The following RBFOX1 variants were observed in gnomAD, a reference collection of about 807,000 sequenced individuals.
RBFOX1 encodes RNA binding protein fox-1 homolog 1.
In RBFOX1, 8 loss-of-function variants were observed where a neutral mutation model predicts 57.7. That is an observed-to-expected ratio of 0.14 (90% CI 0.08 to 0.25). RBFOX1 has a LOEUF of 0.25. Among genes scored for constraint, RBFOX1 ranks in the 10% least tolerant of loss-of-function variants. The probability of loss-of-function intolerance (pLI) is 1.00; values close to 1 mark genes in which losing one functional copy is unlikely to be tolerated. For synonymous variants in RBFOX1, 326 were observed against 222.4 expected (o/e 1.47, Z -4.15); for missense variants, 611 against 548.5 (o/e 1.11, Z -1.14).
At position 6,875,148 on chromosome 16, in the gene RBFOX1, T is replaced by G. The variant is rs143234813; in HGVS notation, c.-15-176909T>G. 4.6e-3 allele frequency among the ~76,000 whole-genome samples: 704 copies of G among 152,316 alleles called. 5 individuals carry two copies. Among genetic ancestry groups the G allele is most frequent in the African/African-American group, 0.016 (675 of 41,572 alleles). Reference sequence around the variant, plus strand: ...AAGTTGCTTATACCATTTAATCATATAATGCCTACAGTGCTTGTGCACATA... The same window carrying G: ...AAGTTGCTTATACCATTTAATCATAGAATGCCTACAGTGCTTGTGCACATA... On this transcript the variant is annotated intron_variant, in intron 3 of 15. Coordinates refer to ENST00000550418, the MANE Select transcript of RBFOX1 (RefSeq NM_018723.4).
rs1292320872 is a variant in RBFOX1 at position 6,019,224 on chromosome 16, C to T, written c.-895C>T. 4.1e-6 allele frequency: 4 copies of T among 985,078 alleles called. No individual in the cohort carries two copies. The highest frequency in any genetic ancestry group is 6.2e-5 in the Admixed American group (1 of 16,224). 61.0% of individuals were successfully genotyped at this position (985,078 alleles called of 1,614,324 possible). ...CCCTCCTACAAGCGCTCTTGCTGGCCGTCTGGGTGCACACACCGCTCCCTC... is the reference window on the plus strand; with the variant it reads ...CCCTCCTACAAGCGCTCTTGCTGGCTGTCTGGGTGCACACACCGCTCCCTC... On this transcript the variant is annotated 5_prime_UTR_variant, in exon 1 of 16. Coordinates refer to ENST00000550418, the MANE Select transcript of RBFOX1 (RefSeq NM_018723.4). The surrounding 1 kb of genome is among the most constrained non-coding windows in gnomAD (Gnocchi z 4.2).
intron 4 of RBFOX1, among the ~76,000 whole-genome samples, chr16:7,292,891 C>T (rs933386872): frequency 6.6e-6 from 1 of 152,032 alleles, no homozygotes; most frequent in African/African-American, 2.4e-5. Context: ...ATGATCCCCT[C>T]AAAGACACAG....
intron 3 of RBFOX1, among the ~76,000 whole-genome samples, chr16:5,799,685 G>A (rs1344639328): frequency 6.6e-6 from 1 of 152,120 alleles, no homozygotes; most frequent in East Asian, 1.9e-4. Context: ...GGGCCAAGCT[G>A]TGATGTTCGG....
chr16:7,250,037 C>A (rs369716203), intron 4 of RBFOX1, among the ~76,000 whole-genome samples: 4 of 152,140 alleles, frequency 2.6e-5, no homozygotes, highest in African/African-American at 9.7e-5. Context: ...TTGTTTTGCA[C>A]GTATTTGGTA....
chr16:5,743,027 C>G (rs1227435126), intron 3 of RBFOX1, among the ~76,000 whole-genome samples: 2 of 152,172 alleles, frequency 1.3e-5, no homozygotes, highest in South Asian at 2.1e-4. Flanking sequence ...AAAGGATTAA[C>G]TCCGCTTACT....
chr16:7,316,934 T>C (rs967008104), intron 4 of RBFOX1, among the ~76,000 whole-genome samples: 2 of 148,500 alleles, frequency 1.3e-5, no homozygotes, highest in Admixed American at 6.8e-5. Context: ...TAGAGTTGGA[T>C]TTTTTGCCAA....
intron 1 of RBFOX1, among the ~76,000 whole-genome samples, chr16:6,082,939 C>G (rs2096027035): frequency 6.6e-6 from 1 of 152,162 alleles, no homozygotes. Context: ...AATCACTGCT[C>G]TCAAGAGGGT....
At chr16:6,552,332 C>T (rs941656589) in intron 2 of RBFOX1, among the ~76,000 whole-genome samples, 1 of 152,030 alleles carries the variant, frequency 6.6e-6, no homozygotes, top group Non-Finnish European at 1.5e-5. Flanking sequence ...GAATCAGAGC[C>T]CAGTTTTGGG....
chr16:6,978,775 A>C (rs750572074), intron 3 of RBFOX1, among the ~76,000 whole-genome samples: 2 of 152,234 alleles, frequency 1.3e-5, no homozygotes, highest in Non-Finnish European at 2.9e-5. Context: ...CAGTGGCCTG[A>C]TTCTGGAGTT....
intron 7 of RBFOX1, among the ~76,000 whole-genome samples, chr16:7,594,475 A>T (rs532364515): frequency 5.3e-5 from 8 of 152,186 alleles, no homozygotes; most frequent in Non-Finnish European, 7.4e-5. Flanking sequence ...AAGATGTACA[A>T]ATATTTTTAG....
At chr16:7,296,747 G>C (rs1362640900) in intron 4 of RBFOX1, among the ~76,000 whole-genome samples, 1 of 152,116 alleles carries the variant, frequency 6.6e-6, no homozygotes, top group Admixed American at 6.5e-5. Context: ...AGGACTCTGG[G>C]CCTTTCTTTC....
chr16:7,417,565 C>T (rs939006823), intron 4 of RBFOX1, among the ~76,000 whole-genome samples: 1 of 102,572 alleles, frequency 9.7e-6, no homozygotes. Flanking sequence ...TGTGTGTTCA[C>T]TTCTCTGCAA....
At chr16:5,821,141 T>C (rs1426073527) in intron 3 of RBFOX1, among the ~76,000 whole-genome samples, 1 of 152,148 alleles carries the variant, frequency 6.6e-6, no homozygotes, top group Non-Finnish European at 1.5e-5. Flanking sequence ...ACAAAGGCTC[T>C]CTGCTGCAGA....
intron 5 of RBFOX1, among the ~76,000 whole-genome samples, chr16:7,539,976 T>G (rs1469912645): frequency 1.3e-5 from 2 of 152,178 alleles, no homozygotes; most frequent in Non-Finnish European, 2.9e-5. Context: ...TGCATGACTT[T>G]GGGAAAGCTA....
At chr16:6,753,093 A>G (rs2075231133) in intron 3 of RBFOX1, among the ~76,000 whole-genome samples, 1 of 152,126 alleles carries the variant, frequency 6.6e-6, no homozygotes, top group African/African-American at 2.4e-5. Context: ...AAATACAAAT[A>G]TTGAACTTGA....
Position 6,705,948 on chromosome 16 carries a change from G to A in RBFOX1, c.-16+51298G>A, listed in dbSNP as rs1407040528. ...TGGGAGGAGCACTTGAGCCTGGGAG[G>A]TGGAGGCTACAGTGAGTTAAGATGG... On this transcript the variant is annotated intron_variant, in intron 3 of 15. Coordinates refer to ENST00000550418, the MANE Select transcript of RBFOX1 (RefSeq NM_018723.4). Among the ~76,000 whole-genome samples the A allele has an allele frequency of 3.9e-5, 6 of 152,132 alleles. No homozygotes were observed. In the East Asian group the frequency reaches 9.6e-4, roughly 24 times the overall value.
intron 5 of RBFOX1, among the ~76,000 whole-genome samples, chr16:7,565,424 ATAT>A (rs1388572706): frequency 5.9e-5 from 9 of 152,160 alleles, no homozygotes; most frequent in Non-Finnish European, 8.8e-5. Context: ...GAGCTCTGCG[ATAT>A]TATTTTCTGA....
intron 1 of RBFOX1, among the ~76,000 whole-genome samples, chr16:6,209,272 T>A (rs1337373705): frequency 6.6e-6 from 1 of 152,222 alleles, no homozygotes; most frequent in Non-Finnish European, 1.5e-5. Flanking sequence ...TTTTGTGGAA[T>A]TAACCTAACT....
At chr16:5,365,823 A>C (rs1349321452) in intron 1 of RBFOX1, 4 of 517,630 alleles carry the variant, frequency 7.7e-6, no homozygotes, top group African/African-American at 7.7e-5. Flanking sequence ...CATGGACATG[A>C]GCCCCCTGAG....
Sources: gnomAD v4.1 joint callset for allele counts (sites outside exome capture counted in the v4.1 genomes callset) on GRCh38, gnomAD v4.1.1 for gene constraint, Gnocchi (gnomAD v3.1) non-coding constraint, MANE v1.5 for transcripts, NCBI Gene and HGNC (gene_info 2026-07-23, HGNC 2026-07-21) for gene names.